Variants in TXLNB observed in about 807,000 individuals in gnomAD.
The protein encoded by TXLNB is taxilin beta, also known as beta-taxilin.
In TXLNB, 37 loss-of-function variants were observed where a neutral mutation model predicts 57.4. That is an observed-to-expected ratio of 0.64 (90% CI 0.50 to 0.85). The LOEUF (loss-of-function observed/expected upper bound fraction) is 0.85. Among genes scored for constraint, TXLNB ranks in the 40% least tolerant of loss-of-function variants. The probability of loss-of-function intolerance (pLI) is 0.00; values close to 1 mark genes in which losing one functional copy is unlikely to be tolerated. For synonymous variants in TXLNB, 302 were observed against 309.6 expected (o/e 0.98, Z 0.26); for missense variants, 848 against 825.6 (o/e 1.03, Z -0.33).
intron 7 of TXLNB, among the ~76,000 whole-genome samples, chr6:139,250,357 C>CTTTTTTTTTTTTTTTTTTT (rs61441759): frequency 8.4e-6 from 1 of 118,892 alleles, no homozygotes; most frequent in African/African-American, 3.3e-5. Flanking sequence ...TTCTTTCTTT[C>CTTTTTTTTTTTTTTTTTTT]TTTTTTTTTT....
the TXLNB span, among the ~76,000 whole-genome samples, chr6:139,209,266 A>G: frequency 6.6e-6 from 1 of 152,242 alleles, no homozygotes; most frequent in East Asian, 1.9e-4. Context: ...CTCTACAAGG[A>G]AAACTACAAA....
At chr6:139,171,234 A>G in the TXLNB span, among the ~76,000 whole-genome samples, 1 of 152,206 alleles carries the variant, frequency 6.6e-6, no homozygotes. Flanking sequence ...GAAAAGAGAA[A>G]AAAAAGGAAG....
intron 4 of TXLNB, among the ~76,000 whole-genome samples, chr6:139,267,343 C>T (rs758276685): frequency 3.3e-5 from 5 of 152,062 alleles, no homozygotes; most frequent in Non-Finnish European, 7.4e-5. Flanking sequence ...ATGATGATAG[C>T]TTAAAGGCTG....
the TXLNB span, chr6:139,167,013 G>C: frequency 6.2e-7 from 1 of 1,614,180 alleles, no homozygotes; most frequent in African/African-American, 1.3e-5. Context: ...GTTCACAGGG[G>C]GGGACACTTC....
the TXLNB span, chr6:139,234,305 A>G: frequency 1.4e-4 from 22 of 152,322 alleles, no homozygotes; most frequent in African/African-American, 5.3e-4. Context: ...AATGTTAATC[A>G]CCAAGACAAT....
At chr6:139,208,079 CAA>C in the TXLNB span, among the ~76,000 whole-genome samples, 13 of 143,070 alleles carry the variant, frequency 9.1e-5, no homozygotes, top group African/African-American at 3.1e-4. Flanking sequence ...CAGTCTCAAA[CAA>C]AAAAAAAGAG....
chr6:139,280,850 TTTC>T (rs1777029545), intron 2 of TXLNB, among the ~76,000 whole-genome samples: 2 of 152,190 alleles, frequency 1.3e-5, no homozygotes, highest in Non-Finnish European at 2.9e-5. Context: ...TAGTTTTGTT[TTTC>T]TTCTAATAGG....
At chr6:139,178,718 G>C in the TXLNB span, 1 of 152,082 alleles carries the variant, frequency 6.6e-6, no homozygotes, top group East Asian at 1.9e-4. Flanking sequence ...GGGACTATAG[G>C]CACGTGCCAC....
chr6:139,221,176 T>C, the TXLNB span, among the ~76,000 whole-genome samples: 1 of 152,168 alleles, frequency 6.6e-6, no homozygotes, highest in African/African-American at 2.4e-5. Context: ...ACTGAGAGGA[T>C]GAGACGCTAA....
the TXLNB span, among the ~76,000 whole-genome samples, chr6:139,204,649 G>T: frequency 3.2e-4 from 48 of 152,242 alleles, no homozygotes; most frequent in East Asian, 6.0e-3. Context: ...TGGCATTGTG[G>T]GCAGATGGGA....
chr6:139,196,239 A>G, the TXLNB span, among the ~76,000 whole-genome samples: 1 of 152,006 alleles, frequency 6.6e-6, no homozygotes, highest in South Asian at 2.1e-4. Context: ...AGCAACTAAG[A>G]GTGTTTGGAA....
intron 1 of TXLNB, among the ~76,000 whole-genome samples, chr6:139,290,796 A>G (rs1361876615): frequency 6.6e-6 from 1 of 152,214 alleles, no homozygotes; most frequent in Non-Finnish European, 1.5e-5. Flanking sequence ...CTCATAATTC[A>G]CAGGTTTTGC....
chr6:139,271,705 C>T (rs1159766899), intron 3 of TXLNB: 2 of 152,098 alleles, frequency 1.3e-5, no homozygotes, highest in Non-Finnish European at 2.9e-5. Flanking sequence ...TGGGGATCAA[C>T]CTCAGAAGCC....
At chr6:139,219,583 G>A in the TXLNB span, among the ~76,000 whole-genome samples, 2 of 152,202 alleles carry the variant, frequency 1.3e-5, no homozygotes, top group Non-Finnish European at 2.9e-5. Flanking sequence ...ATGTGACCAT[G>A]AGACTGGAGA....
chr6:139,164,098 T>C, the TXLNB span, among the ~76,000 whole-genome samples: 1 of 151,748 alleles, frequency 6.6e-6, no homozygotes, highest in African/African-American at 2.4e-5. Context: ...TCTCTCTCTC[T>C]CTGAGCATCT....
the TXLNB span, among the ~76,000 whole-genome samples, chr6:139,301,994 TG>T: frequency 6.6e-6 from 1 of 152,164 alleles, no homozygotes; most frequent in East Asian, 1.9e-4. Flanking sequence ...AAAGAATGAA[TG>T]TTTTTTGGGG....
upstream of TXLNB, among the ~76,000 whole-genome samples, chr6:139,293,683 C>G (rs988379246): frequency 1.5e-4 from 22 of 151,702 alleles, no homozygotes; most frequent in African/African-American, 4.6e-4. Flanking sequence ...AACATCCCAC[C>G]CCCAGTTTTG....
At position 139,242,519 on chromosome 6, in the gene TXLNB, G is replaced by T. The variant is rs777514572; in HGVS notation, c.*7C>A. 1.7e-5 allele frequency: 26 copies of T among 1,488,042 alleles called. No homozygotes were observed. The highest frequency in any genetic ancestry group is 7.4e-5 in the Admixed American group (3 of 40,696). The allele number at this position is 1,488,042 out of a possible 1,614,324, so 92.2% of individuals were successfully genotyped here. On this transcript the variant is annotated 3_prime_UTR_variant, in exon 10 of 10. Transcript: ENST00000358430. Reference sequence around the variant, plus strand: ...GCAGGAAGAAGCCTCTGAAGGCACGGTGAGGCTTAGTCGACGCCTTCCAGA... The same window carrying T: ...GCAGGAAGAAGCCTCTGAAGGCACGTTGAGGCTTAGTCGACGCCTTCCAGA...
the TXLNB span, among the ~76,000 whole-genome samples, chr6:139,161,998 C>G: frequency 6.6e-6 from 1 of 152,206 alleles, no homozygotes; most frequent in Non-Finnish European, 1.5e-5. Context: ...TTACAGCTCT[C>G]TTTTTCACTT....
Sources: gnomAD v4.1 joint callset for allele counts (sites outside exome capture counted in the v4.1 genomes callset) on GRCh38, gnomAD v4.1.1 for gene constraint, MANE v1.5 for transcripts, NCBI Gene and HGNC (gene_info 2026-07-23, HGNC 2026-07-21) for gene names.